The following MYO15B variants were observed in gnomAD, a reference collection of about 807,000 sequenced individuals.
The protein encoded by MYO15B is myosin XVB.
MYO15B carries 207 observed loss-of-function variants against 119.3 expected under a neutral mutation model. The observed-to-expected ratio is 1.73, with a 90% CI of 1.55 to 1.95. The LOEUF is 1.95. Among genes scored for constraint, MYO15B ranks in the 30% most tolerant of loss-of-function variants. The probability of loss-of-function intolerance (pLI) is 0.00; values close to 1 mark genes in which losing one functional copy is unlikely to be tolerated. For synonymous variants in MYO15B, 966 were observed against 498.9 expected (o/e 1.94, Z -12.48); for missense variants, 2,264 against 1,203.1 (o/e 1.88, Z -13.04).
exon 64 of MYO15B, chr17:75,626,706 T>C (rs1021165837): frequency 3.5e-6 from 2 of 576,740 alleles, no homozygotes; most frequent in Non-Finnish European, 6.2e-6. Context: ...CAAAGCGGGC[T>C]GCAGGAACTC....
chr17:75,596,795 T>C lies in MYO15B; in HGVS notation c.3421T>C (p.Trp1141Arg), dbSNP rs1284377658. The C allele has an allele frequency of 7.1e-6, 5 of 701,788 alleles. No homozygotes were observed. The Admixed American group carries it at 8.0e-5, about 11-fold the overall frequency. 43.5% of individuals were successfully genotyped at this position (701,788 alleles called of 1,614,324 possible). A position where few individuals can be genotyped will look rare whatever the true frequency, so the allele number is the denominator to read the frequency against. The change falls in exon 14 of 64, where the codon TGG (tryptophan) becomes CGG (arginine). Residue 1141 changes from tryptophan (W) to arginine (R), a missense_variant. Transcript: ENST00000645453. The stretch of plus-strand genomic sequence containing the variant: ...GGAGTGTCGGCGGGAGTTGCTGTCC[T>C]GGGTGCCTGTCCCTCAGCCTCCGAG...
At chr17:75,607,508 T>G (rs1299813082) in intron 21 of MYO15B, among the ~76,000 whole-genome samples, 1 of 151,600 alleles carries the variant, frequency 6.6e-6, no homozygotes, top group African/African-American at 2.4e-5. Flanking sequence ...TGGAATGCAG[T>G]GGCTCGATCT....
Position 75,623,867 on chromosome 17 carries a change from C to T in MYO15B, c.8156+13C>T, listed in dbSNP as rs1038823183. ...GACACCCCCGGCCGTGAGTGGGGAC[C>T]GGTGGCTTCTGGGGGTGGCTTCTGG... On this transcript the variant is annotated intron_variant, in intron 54 of 63. Coordinates refer to ENST00000645453, the Ensembl canonical transcript of MYO15B. 113 of 559,142 alleles carry T rather than the reference C, an allele frequency of 2.0e-4. No homozygotes were observed. The highest frequency in any genetic ancestry group is 3.4e-4 in the African/African-American group (8 of 23,606). The allele number at this position is 559,142 out of a possible 1,614,324, so 34.6% of individuals were successfully genotyped here.
Position 75,619,492 on chromosome 17 carries a change from G to T in MYO15B, c.7182+16G>T. 1 of 699,406 alleles carries T rather than the reference G, an allele frequency of 1.4e-6. No homozygotes were observed. Among genetic ancestry groups the T allele is most frequent in the Non-Finnish European group, 2.6e-6 (1 of 383,436 alleles). The allele number at this position is 699,406 out of a possible 1,614,324, so 43.3% of individuals were successfully genotyped here. ...TCCTGTCTCGGTCAGTGGCGCTGGGGTAGGGAGTAGGGATGCCAGGCCCCC... is the reference window on the plus strand; with the variant it reads ...TCCTGTCTCGGTCAGTGGCGCTGGGTTAGGGAGTAGGGATGCCAGGCCCCC... On this transcript the variant is annotated intron_variant, in intron 45 of 63. Transcript: ENST00000645453.
chr17:75,602,581 A>T, exon 16 of MYO15B: 2 of 678,910 alleles, frequency 2.9e-6, no homozygotes, highest in Non-Finnish European at 2.7e-6. Context: ...ATGCTTGGCC[A>T]GAGCCAGCTC....
chr17:75,593,548 G>A (rs964921433), intron 9 of MYO15B, among the ~76,000 whole-genome samples: 1 of 151,004 alleles, frequency 6.6e-6, no homozygotes, highest in Non-Finnish European at 1.5e-5. Context: ...AGGTGGAGGT[G>A]GCAGTGACCT....
At position 75,592,146 on chromosome 17, in the gene MYO15B, C is replaced by G. The variant is rs911746152; in HGVS notation, c.2651+66C>G. The G allele has an allele frequency of 5.7e-6, 4 of 701,516 alleles. No individual in the cohort carries two copies. In the African/African-American group the frequency reaches 7.0e-5, roughly 12 times the overall value. The allele number at this position is 701,516 out of a possible 1,614,324, so 43.5% of individuals were successfully genotyped here. On this transcript the variant is annotated intron_variant, in intron 6 of 63. Transcript: ENST00000645453. ...CCTTCCTGGGTCCTTGGGCTGCTTC[C>G]CTGGGGTCCAGACCCTGGTAGGGCT...
At chr17:75,624,208 G>A (rs1276412279) in exon 56 of MYO15B, 23 of 702,822 alleles carry the variant, frequency 3.3e-5, no homozygotes, top group African/African-American at 8.7e-5. Flanking sequence ...CACCTCCAGC[G>A]CACAGTCAAA....
At position 75,594,835 on chromosome 17, in the gene MYO15B, T is replaced by C. The variant is rs1489012000; in HGVS notation, c.3165-5T>C. The C allele has an allele frequency of 1.4e-6, 1 of 702,998 alleles. No homozygotes were observed. Among genetic ancestry groups the C allele is most frequent in the Admixed American group, 2.0e-5 (1 of 50,024 alleles). The allele number at this position is 702,998 out of a possible 1,614,324, so 43.5% of individuals were successfully genotyped here. ...ATGTGGCTCACCCACCCGCCATGCC[T>C]ACAGGGACGCCCTGGCCAAGGCACT... On this transcript the variant is annotated splice_polypyrimidine_tract_variant and splice_region_variant and intron_variant, in intron 11 of 63. Coordinates refer to ENST00000645453, the Ensembl canonical transcript of MYO15B.
At chr17:75,613,586 A>C in intron 28 of MYO15B, 115 bp downstream of exon 28, 2 of 646,102 alleles carry the variant, frequency 3.1e-6, no homozygotes, top group Non-Finnish European at 5.6e-6. Context: ...GTCCTCAGTG[A>C]CCCTGATCCC....
exon 59 of MYO15B, chr17:75,624,786 C>T (rs1038535166): frequency 4.7e-5 from 33 of 702,784 alleles, no homozygotes; most frequent in Non-Finnish European, 7.3e-5. Flanking sequence ...CTGGTGCGGC[C>T]CCTGCAGCCC....
chr17:75,615,230 G>A lies in MYO15B; in HGVS notation c.5642-10G>A, dbSNP rs2058294590. 2 of 700,472 alleles carry A rather than the reference G, an allele frequency of 2.9e-6. No individual in the cohort carries two copies. The highest frequency in any genetic ancestry group is 4.0e-5 in the Admixed American group (2 of 49,920). 43.4% of individuals were successfully genotyped at this position (700,472 alleles called of 1,614,324 possible). A position where few individuals can be genotyped will look rare whatever the true frequency, so the allele number is the denominator to read the frequency against. Reference sequence around the variant, plus strand: ...AGGCAGGGACTGACAGGGAGGGCGTGTTCCCTCAGTGTACCCAGGAATGAT... The same window carrying A: ...AGGCAGGGACTGACAGGGAGGGCGTATTCCCTCAGTGTACCCAGGAATGAT... On this transcript the variant is annotated splice_polypyrimidine_tract_variant and intron_variant, in intron 33 of 63. Transcript: ENST00000645453.
chr17:75,616,412 G>A lies in MYO15B; in HGVS notation c.6210G>A (p.Glu2070=), dbSNP rs1280316576. 5 of 625,860 alleles carry A rather than the reference G, an allele frequency of 8.0e-6. No homozygotes were observed. The East Asian group carries it at 1.1e-4, about 14-fold the overall frequency. The allele number at this position is 625,860 out of a possible 1,614,324, so 38.8% of individuals were successfully genotyped here. ...AGGAGGAGGAGGAGGAGGAGGAGGA[G>A]GAGCAGGAGGAGCAAGAAGTGGAAA... The change falls in exon 38 of 64, where the codon GAG becomes GAA. Residue 2070 remains glutamate, a synonymous_variant. Transcript: ENST00000645453.
Position 75,625,666 on chromosome 17 carries a change from T to C in MYO15B, c.8938+6T>C. ...AGCACAGATCAGCTTCATTGGTGGG[T>C]CTGGGACTAGGGGACCGCTGGGTGG... is the stretch of plus-strand genomic sequence containing the variant. On this transcript the variant is annotated splice_donor_region_variant and intron_variant, in intron 61 of 63. Coordinates refer to ENST00000645453, the Ensembl canonical transcript of MYO15B. 1 of 702,642 alleles carries C rather than the reference T, an allele frequency of 1.4e-6. No individual in the cohort carries two copies. Among genetic ancestry groups the C allele is most frequent in the Non-Finnish European group, 2.6e-6 (1 of 384,956 alleles). 43.5% of individuals were successfully genotyped at this position (702,642 alleles called of 1,614,324 possible). A position where few individuals can be genotyped will look rare whatever the true frequency, so the allele number is the denominator to read the frequency against.
At position 75,609,209 on chromosome 17, in the gene MYO15B, CTT is replaced by C. The variant is rs756034754; in HGVS notation, c.4293-944_4293-943del. On this transcript the variant is annotated intron_variant, in intron 21 of 63. Coordinates refer to ENST00000645453, the Ensembl canonical transcript of MYO15B. ...TTACTTTTTAATAAGTTCTGCTGCTCTTTTTTTTTTTTTTGCAAGATAGGGTC... is the reference window on the plus strand; with the variant it reads ...TTACTTTTTAATAAGTTCTGCTGCTCTTTTTTTTTTTTGCAAGATAGGGTC... Among the ~76,000 whole-genome samples the C allele has an allele frequency of 2.9e-3, 417 of 141,540 alleles. 3 individuals are homozygous for C. The highest frequency in any genetic ancestry group is 9.5e-3 in the African/African-American group (369 of 38,718). The allele number at this position is 141,540 out of a possible 152,430, so 92.9% of individuals were successfully genotyped here.
chr17:75,624,796 C>T (rs753522172), exon 59 of MYO15B: 91 of 702,940 alleles, frequency 1.3e-4, no homozygotes, highest in East Asian at 1.9e-4. Context: ...CCCTGCAGCC[C>T]GCCGAATACC....
At chr17:75,605,785 G>T (rs966086752) in intron 20 of MYO15B, 79 bp from the exon 21 acceptor site, 3 of 647,514 alleles carry the variant, frequency 4.6e-6, no homozygotes, top group African/African-American at 3.6e-5. Flanking sequence ...GGCTGGAAGG[G>T]AGGAGGCTGA....
Position 75,621,438 on chromosome 17 carries a change from C to T in MYO15B, c.7935+30C>T, listed in dbSNP as rs375239103. Reference sequence around the variant, plus strand: ...GAGAGAGGCAGGGAGGGGTCTGGCCCGTAGATCTGCCCTCTGACCCCCACG... The same window carrying T: ...GAGAGAGGCAGGGAGGGGTCTGGCCTGTAGATCTGCCCTCTGACCCCCACG... On this transcript the variant is annotated intron_variant, in intron 51 of 63. Coordinates refer to ENST00000645453, the Ensembl canonical transcript of MYO15B. 179 of 698,648 alleles carry T rather than the reference C, an allele frequency of 2.6e-4. 4 individuals carry two copies. The Admixed American group carries it at 2.8e-3, about 11-fold the overall frequency. 43.3% of individuals were successfully genotyped at this position (698,648 alleles called of 1,614,324 possible). A position where few individuals can be genotyped will look rare whatever the true frequency, so the allele number is the denominator to read the frequency against.
At position 75,617,805 on chromosome 17, in the gene MYO15B, G is replaced by T. The variant is rs1400537114; in HGVS notation, c.6815-5G>T. On this transcript the variant is annotated splice_region_variant and splice_polypyrimidine_tract_variant and intron_variant, in intron 41 of 63. Coordinates refer to ENST00000645453, the Ensembl canonical transcript of MYO15B. ...TGAGGCTCCTCACCCCCTCCTCTCT[G>T]CCAGGCTTGACACAGCCCGTGGAGG... is the stretch of plus-strand genomic sequence containing the variant. 1.1e-5 allele frequency: 8 copies of T among 700,542 alleles called. No homozygotes were observed. Among genetic ancestry groups the T allele is most frequent in the African/African-American group, 3.5e-5 (2 of 57,218 alleles). 43.4% of individuals were successfully genotyped at this position (700,542 alleles called of 1,614,324 possible).
Sources: gnomAD v4.1 joint callset for allele counts (sites outside exome capture counted in the v4.1 genomes callset) on GRCh38, gnomAD v4.1.1 for gene constraint, MANE v1.5 for transcripts, NCBI Gene and HGNC (gene_info 2026-07-23, HGNC 2026-07-21) for gene names.